Variants in CDH15 observed in about 807,000 individuals in gnomAD.
The protein encoded by CDH15 is cadherin-15.
In CDH15, 73 loss-of-function variants were observed where a neutral mutation model predicts 69.4. The ratio of observed to expected loss-of-function variants is 1.05; its 90% confidence interval spans 0.87 to 1.28. The LOEUF (loss-of-function observed/expected upper bound fraction) is 1.28, where lower values mean the gene tolerates loss of function less well. Among genes scored for constraint, CDH15 ranks in the 50% most tolerant of loss-of-function variants. The pLI is 0.00. For missense variants in CDH15, 1,343 were observed against 1,133.6 expected (o/e 1.18, Z -2.65); for synonymous variants, 624 against 507.7 (o/e 1.23, Z -3.08).
Position 89,187,433 on chromosome 16 carries a change from T to C in CDH15, c.668T>C (p.Val223Ala), listed in dbSNP as rs755571998. 2 of 1,612,800 alleles carry C rather than the reference T, an allele frequency of 1.2e-6. No homozygotes were observed. The highest frequency in any genetic ancestry group is 1.6e-4 in the Middle Eastern group (1 of 6,062). ...TVQVGLDREV[V>A]AVYNLTLQVA... ...CCCTGTGCCCCACATCCCCAGGTGG[T>C]CGCGGTGTACAATCTGACCCTGCAG... is the stretch of plus-strand genomic sequence containing the variant. Residue 223 changes from valine (V) to alanine (A), a missense_variant, in exon 6 of 14, where the codon GTC becomes GCC. Val to Ala is a moderately conservative substitution (Grantham distance 64). Coordinates refer to ENST00000289746, the MANE Select transcript of CDH15 (RefSeq NM_004933.3).
rs373069201 is a variant in CDH15, at chr16:89,187,507, A to C, written c.742A>C (p.Ile248Leu). Residue 248 changes from isoleucine to leucine, a missense_variant, in exon 6 of 14, where the codon ATC (isoleucine) becomes CTC (leucine). Physicochemically the swap from Ile to Leu is conservative, Grantham distance 5. Coordinates refer to ENST00000289746, the MANE Select transcript of CDH15 (RefSeq NM_004933.3). ...CCTCACAGCCACTGCCTCAGCCATC[A>C]TCACCCTTGATGACATCAATGACAA... Reference protein sequence around the residue: ...DGLTATASAIITLDDINDNAP... With the variant: ...DGLTATASAILTLDDINDNAP... 1.2e-6 allele frequency: 2 copies of C among 1,613,588 alleles called. No individual in the cohort carries two copies. The highest frequency in any genetic ancestry group is 1.7e-5 in the Admixed American group (1 of 60,008).
intron 11 of CDH15, 103 bp downstream of exon 11, chr16:89,192,547 C>T: frequency 8.2e-7 from 1 of 1,223,166 alleles, no homozygotes; most frequent in Non-Finnish European, 1.2e-6. Context: ...CCAGCTCCGC[C>T]TCCTCCCTAA....
intron 3 of CDH15, among the ~76,000 whole-genome samples, chr16:89,180,891 T>C (rs1915361194): frequency 6.6e-6 from 1 of 151,366 alleles, no homozygotes. Context: ...GCCCGGCTAA[T>C]TGTTTGTATT....
intron 5 of CDH15, among the ~76,000 whole-genome samples, chr16:89,186,557 AGGT>A (rs1277628812): frequency 1.6e-5 from 2 of 123,636 alleles, no homozygotes; most frequent in Non-Finnish European, 3.4e-5. Flanking sequence ...AGCGCACAGT[AGGT>A]GCTCTGTGAA....
intron 6 of CDH15, 70 bp from the exon 7 acceptor site, chr16:89,188,030 G>A (rs2151602268): frequency 2.2e-6 from 3 of 1,392,920 alleles, no homozygotes; most frequent in Admixed American, 4.0e-5. Context: ...GTGGGCTGAG[G>A]GCCCTGAGGG....
intron 3 of CDH15, among the ~76,000 whole-genome samples, chr16:89,181,957 G>T (rs1296662179): frequency 4.7e-5 from 7 of 149,866 alleles, no homozygotes; most frequent in Non-Finnish European, 8.9e-5. Flanking sequence ...AACAGAAGAA[G>T]AAAGAAGAAG....
intron 4 of CDH15, among the ~76,000 whole-genome samples, chr16:89,184,023 C>T (rs993040199): frequency 1.3e-5 from 2 of 152,176 alleles, no homozygotes; most frequent in Non-Finnish European, 2.9e-5. Context: ...GTCCAGAGCA[C>T]CCACAGGCAT....
At chr16:89,176,747 G>T (rs1030067235) in intron 1 of CDH15, among the ~76,000 whole-genome samples, 4 of 151,608 alleles carry the variant, frequency 2.6e-5, no homozygotes, top group Admixed American at 1.3e-4. Context: ...GGAGCAGGCC[G>T]CGAAGATGGT....
At position 89,192,246 on chromosome 16, in the gene CDH15, G is replaced by C. The variant is rs1350040411; in HGVS notation, c.1657G>C (p.Gly553Arg). Residue 553 changes from glycine (G) to arginine (R), a missense_variant, in exon 11 of 14, where the codon GGC becomes CGC. Transcript: ENST00000289746. ...RLRPRHQVPE[G>R]LHRLSLLLRD... ...GCGGCCGCGACACCAGGTCCCCGAA[G>C]GCCTGCACCGCCTCAGCCTGCTGCT... The C allele has an allele frequency of 6.5e-7, 1 of 1,530,506 alleles. No homozygotes were observed. Among genetic ancestry groups the C allele is most frequent in the East Asian group, 2.5e-5 (1 of 40,636 alleles). The allele number at this position is 1,530,506 out of a possible 1,614,324, so 94.8% of individuals were successfully genotyped here. A position where few individuals can be genotyped will look rare whatever the true frequency, so the allele number is the denominator to read the frequency against.
chr16:89,188,052 C>G lies in CDH15; in HGVS notation c.793-48C>G, dbSNP rs1237419824. 4 of 1,537,510 alleles carry G rather than the reference C, an allele frequency of 2.6e-6. No individual in the cohort carries two copies. In the African/African-American group the frequency reaches 5.4e-5, roughly 21 times the overall value. The stretch of plus-strand genomic sequence containing the variant: ...GAGGGCCCTGAGGGCCCCACCCATG[C>G]TGTCCCCCCAGCCCTGCTGGTAACT... On this transcript the variant is annotated intron_variant, in intron 6 of 13. Coordinates refer to ENST00000289746, the MANE Select transcript of CDH15 (RefSeq NM_004933.3).
intron 1 of CDH15, among the ~76,000 whole-genome samples, chr16:89,178,325 C>G (rs1429084842): frequency 6.6e-6 from 1 of 152,164 alleles, no homozygotes; most frequent in African/African-American, 2.4e-5. Flanking sequence ...CAGGCCCCAT[C>G]CCCGAGCACC....
At chr16:89,191,020 CAT>C (rs1284161961) in intron 8 of CDH15, among the ~76,000 whole-genome samples, 6 of 136,104 alleles carry the variant, frequency 4.4e-5, no homozygotes, top group Non-Finnish European at 6.1e-5. Context: ...TGTGTGTGCA[CAT>C]GTGTGGTACA....
intron 11 of CDH15, 54 bp from the exon 12 acceptor site, chr16:89,193,416 C>T: frequency 2.0e-6 from 3 of 1,525,458 alleles, no homozygotes; most frequent in Admixed American, 1.9e-5. Flanking sequence ...GCAGCCCGGC[C>T]CCCTGAAGTC....
chr16:89,185,523 G>C, intron 5 of CDH15, 190 bp downstream of exon 5: 1 of 721,144 alleles, frequency 1.4e-6, no homozygotes, highest in South Asian at 1.6e-5. Flanking sequence ...GAGCCGCGCT[G>C]GCCCGGGTGG....
chr16:89,193,697 G>T (rs1915713348), intron 12 of CDH15, 58 bp from the exon 13 acceptor site: 2 of 1,578,802 alleles, frequency 1.3e-6, no homozygotes, highest in Admixed American at 3.7e-5. Flanking sequence ...CTGTACCTGA[G>T]ACCTCCACCA....
rs895094248 is a variant in CDH15, at chr16:89,171,829, C to A, written c.-3C>A. 1 of 1,556,962 alleles carries A rather than the reference C, an allele frequency of 6.4e-7. No homozygotes were observed. On this transcript the variant is annotated 5_prime_UTR_variant, in exon 1 of 14. Transcript: ENST00000289746. ...CTCCGGCCCGGCTCCCGCCTCGGCCCCGATGGACGCCGCGTTCCTCCTCGT... is the reference window on the plus strand; with the variant it reads ...CTCCGGCCCGGCTCCCGCCTCGGCCACGATGGACGCCGCGTTCCTCCTCGT...
intron 10 of CDH15, 109 bp downstream of exon 10, chr16:89,192,003 T>C: frequency 8.1e-7 from 1 of 1,231,534 alleles, no homozygotes; most frequent in Non-Finnish European, 1.1e-6. Context: ...CCCGTGGTCC[T>C]GCAACAGGTC....
At chr16:89,174,900 G>A (rs1247228306) in intron 1 of CDH15, among the ~76,000 whole-genome samples, 1 of 152,174 alleles carries the variant, frequency 6.6e-6, no homozygotes, top group Admixed American at 6.5e-5. Context: ...TTTGTCCTGG[G>A]CACCGGATGT....
chr16:89,173,458 G>A (rs938284607), intron 1 of CDH15, among the ~76,000 whole-genome samples: 4 of 152,140 alleles, frequency 2.6e-5, no homozygotes, highest in Non-Finnish European at 4.4e-5. Context: ...TTCTTTTCTC[G>A]CCCAGGGCTG....
Sources: allele counts gnomAD v4.1 joint callset (sites outside exome capture counted in the v4.1 genomes callset), GRCh38; gene constraint gnomAD v4.1.1; transcripts MANE v1.5; gene names NCBI Gene and HGNC (gene_info 2026-07-23, HGNC 2026-07-21).